GRIN2A: variants seen among roughly 807,000 people sequenced by gnomAD.
GRIN2A encodes glutamate receptor ionotropic, NMDA 2A.
A neutral mutation model predicts 113.4 loss-of-function variants in GRIN2A; 22 were observed. The ratio of observed to expected loss-of-function variants is 0.19; its 90% CI spans 0.14 to 0.28. GRIN2A has a LOEUF of 0.28. Among genes scored for constraint, GRIN2A ranks in the 10% least tolerant of loss-of-function variants. GRIN2A has a pLI of 1.00. For missense variants in GRIN2A, 1,502 were observed against 1,887.0 expected, an observed-to-expected ratio of 0.80 and a Z score of 3.78; for synonymous variants, 827 against 738.4, an observed-to-expected ratio of 1.12 and a Z score of -1.94.
intron 2 of GRIN2A, among the ~76,000 whole-genome samples, chr16:9,947,077 T>G (rs1229892731): frequency 6.6e-6 from 1 of 152,244 alleles, no homozygotes; most frequent in African/African-American, 2.4e-5. Flanking sequence ...TTCCTGAACT[T>G]GAATCAGAAT....
intron 11 of GRIN2A, among the ~76,000 whole-genome samples, chr16:9,776,429 A>T (rs926415992): frequency 6.6e-6 from 1 of 151,998 alleles, no homozygotes; most frequent in Non-Finnish European, 1.5e-5. Flanking sequence ...ATGACATTGC[A>T]CCAACTGTGG....
chr16:10,011,901 C>G (rs998129195), intron 2 of GRIN2A, among the ~76,000 whole-genome samples: 2 of 152,120 alleles, frequency 1.3e-5, no homozygotes, highest in African/African-American at 4.8e-5. Context: ...CATAGTTTCA[C>G]CCTATAACTC....
intron 2 of GRIN2A, among the ~76,000 whole-genome samples, chr16:10,086,396 C>T (rs1413860300): frequency 1.3e-5 from 2 of 152,090 alleles, no homozygotes; most frequent in Non-Finnish European, 1.5e-5. Flanking sequence ...CTTCTCACTT[C>T]CCCTGAGGAG....
intron 11 of GRIN2A, among the ~76,000 whole-genome samples, chr16:9,785,266 A>C (rs1902167894): frequency 6.6e-6 from 1 of 152,152 alleles, no homozygotes; most frequent in African/African-American, 2.4e-5. Context: ...GCCATAAAAA[A>C]TGATGAATTC....
At chr16:10,091,360 G>T (rs2048180202) in intron 2 of GRIN2A, among the ~76,000 whole-genome samples, 1 of 152,102 alleles carries the variant, frequency 6.6e-6, no homozygotes, top group Non-Finnish European at 1.5e-5. Flanking sequence ...TATAACTTTG[G>T]AGGCTGAGGT....
At chr16:10,115,723 A>G (rs1438305622) in intron 2 of GRIN2A, among the ~76,000 whole-genome samples, 1 of 152,194 alleles carries the variant, frequency 6.6e-6, no homozygotes, top group East Asian at 1.9e-4. Context: ...TGAATGGGGT[A>G]TGGGGGCGTG....
chr16:9,797,801 C>G (rs980505968), intron 11 of GRIN2A, among the ~76,000 whole-genome samples: 8 of 152,110 alleles, frequency 5.3e-5, no homozygotes, highest in African/African-American at 1.9e-4. Flanking sequence ...TGTCCTGGAC[C>G]CTGTAAGGTG....
Position 10,180,267 on chromosome 16 carries a change from G to T in GRIN2A, c.145C>A (p.Arg49Ser), listed in dbSNP as rs1413736970. 8 of 1,613,606 alleles carry T rather than the reference G, an allele frequency of 5.0e-6. No individual in the cohort carries two copies. The highest frequency in any genetic ancestry group is 3.4e-6 in the Non-Finnish European group (4 of 1,180,016). Residue 49 changes from arginine to serine, a missense_variant, in exon 2 of 13, where the codon CGC (arginine) becomes AGC (serine). Arg to Ser is a moderately radical substitution (Grantham distance 110). Coordinates refer to ENST00000330684, the MANE Select transcript of GRIN2A (RefSeq NM_001134407.3). This position sits in a 1 kb window ranked among gnomAD's most constrained non-coding sequence, Gnocchi z 7.0. Reference sequence around the variant, plus strand: ...GGGCCCCACAGTGTTCGAAGTTCGCGCTCTGTCACGTCGTGGCTGTGACCC... The same window carrying T: ...GGGCCCCACAGTGTTCGAAGTTCGCTCTCTGTCACGTCGTGGCTGTGACCC... ...MLGHSHDVTERELRTLWGPEQ... is the reference protein window; with the variant it reads ...MLGHSHDVTESELRTLWGPEQ...
chr16:10,110,893 T>C (rs12447389), intron 2 of GRIN2A, among the ~76,000 whole-genome samples: 51,012 of 152,030 alleles, frequency 0.34, 9,117 homozygotes, highest in East Asian at 0.45. Context: ...CATCCACATT[T>C]GACTTCAGAC....
chr16:10,105,764 G>T (rs1019806550), intron 2 of GRIN2A, among the ~76,000 whole-genome samples: 4 of 152,092 alleles, frequency 2.6e-5, no homozygotes, highest in African/African-American at 9.7e-5. Flanking sequence ...AAAATTAGCT[G>T]GGCATGGTGG....
intron 2 of GRIN2A, among the ~76,000 whole-genome samples, chr16:9,954,819 A>G (rs916764208): frequency 2.0e-5 from 3 of 152,206 alleles, no homozygotes; most frequent in Non-Finnish European, 4.4e-5. Flanking sequence ...CGACAAAGCA[A>G]GTCATGCAGT....
intron 2 of GRIN2A, among the ~76,000 whole-genome samples, chr16:10,136,814 T>G (rs1358061857): frequency 6.6e-6 from 1 of 152,214 alleles, no homozygotes; most frequent in East Asian, 1.9e-4. Context: ...CGTTTTATCA[T>G]TATTATGACC....
At chr16:10,085,330 T>A (rs1055865357) in intron 2 of GRIN2A, among the ~76,000 whole-genome samples, 2 of 152,142 alleles carry the variant, frequency 1.3e-5, no homozygotes, top group Non-Finnish European at 2.9e-5. Flanking sequence ...GTATACATAC[T>A]CAAGTTATAG....
rs767988267 is a variant in GRIN2A at position 10,180,416 on chromosome 16, G to T, written c.-5C>A. On this transcript the variant is annotated 5_prime_UTR_variant, in exon 2 of 13. Transcript: ENST00000330684. The surrounding 1 kb of genome is among the most constrained non-coding windows in gnomAD (Gnocchi z 7.0). ...CCAATAGCCCACTCTGCCCATAGTC[G>T]CCACTGACGGTCCCTGCAAGGTGAA... 4 of 1,604,008 alleles carry T rather than the reference G, an allele frequency of 2.5e-6. No individual in the cohort carries two copies. The highest frequency in any genetic ancestry group is 1.1e-5 in the South Asian group (1 of 90,890).
Position 9,788,977 on chromosome 16 carries a change from C to T in GRIN2A, c.2356+9300G>A, listed in dbSNP as rs569707489. On this transcript the variant is annotated intron_variant, in intron 11 of 12. Transcript: ENST00000330684. ...CAGGCTGGTCTCGAACTCCTGACCT[C>T]GTGATCCACCCTCCTCGGCCTCTCA... 2.0e-5 allele frequency among the ~76,000 whole-genome samples: 3 copies of T among 152,162 alleles called. No individual in the cohort carries two copies. In the East Asian group the frequency reaches 5.8e-4, roughly 30 times the overall value.
intron 2 of GRIN2A, among the ~76,000 whole-genome samples, chr16:10,029,036 A>G (rs1206008644): frequency 2.0e-5 from 3 of 152,146 alleles, no homozygotes; most frequent in Non-Finnish European, 4.4e-5. Flanking sequence ...AATAATCCAC[A>G]ACCAAATGCA....
intron 3 of GRIN2A, among the ~76,000 whole-genome samples, chr16:9,931,259 C>A: frequency 6.6e-6 from 1 of 152,246 alleles, no homozygotes. Flanking sequence ...CCATTGCTTG[C>A]TTTCCTAGCT....
intron 4 of GRIN2A, among the ~76,000 whole-genome samples, chr16:9,859,446 A>T (rs997074854): frequency 7.9e-5 from 12 of 152,248 alleles, no homozygotes; most frequent in Admixed American, 7.2e-4. Flanking sequence ...ATATATGTAT[A>T]CATATTCCTA....
chr16:9,864,642 C>G (rs997640555), intron 4 of GRIN2A, among the ~76,000 whole-genome samples: 1 of 152,190 alleles, frequency 6.6e-6, no homozygotes, highest in Non-Finnish European at 1.5e-5. Context: ...CCATTTGGAT[C>G]TCAGCCCTGA....
Sources: gnomAD v4.1 joint callset for allele counts (sites outside exome capture counted in the v4.1 genomes callset) on GRCh38, gnomAD v4.1.1 for gene constraint, Gnocchi (gnomAD v3.1) non-coding constraint, MANE v1.5 for transcripts, NCBI Gene and HGNC (gene_info 2026-07-23, HGNC 2026-07-21) for gene names.